The following TSPAN12 variants were observed in gnomAD, a reference collection of about 807,000 sequenced individuals.
TSPAN12 encodes the protein tetraspanin 12, also known as tetraspanin-12.
Under a neutral mutation model 39.2 loss-of-function variants are expected in TSPAN12, and 19 were observed. That is an observed-to-expected ratio of 0.49 (90% CI 0.34 to 0.71). The LOEUF (loss-of-function observed/expected upper bound fraction) is 0.71. Among genes scored for constraint, TSPAN12 ranks in the 30% least tolerant of loss-of-function variants. The pLI, the probability that TSPAN12 is intolerant of heterozygous loss-of-function variation, is 0.01. For missense variants in TSPAN12, 314 were observed against 359.9 expected (o/e 0.87, Z 1.03); for synonymous variants, 119 against 124.8 (o/e 0.95, Z 0.31).
intron 2 of TSPAN12, among the ~76,000 whole-genome samples, chr7:120,856,482 G>C (rs906355360): frequency 9.9e-5 from 15 of 152,218 alleles, no homozygotes; most frequent in African/African-American, 3.4e-4. Flanking sequence ...ACTGCCAGTA[G>C]TATCCAGGGG....
At chr7:120,841,927 A>G (rs1794586476) in intron 2 of TSPAN12, among the ~76,000 whole-genome samples, 1 of 152,178 alleles carries the variant, frequency 6.6e-6, no homozygotes. Context: ...AAGCTTTCCT[A>G]AAAGCTGCAT....
intron 7 of TSPAN12, among the ~76,000 whole-genome samples, chr7:120,797,924 C>T (rs772660265): frequency 1.3e-5 from 2 of 152,202 alleles, no homozygotes; most frequent in African/African-American, 2.4e-5. Flanking sequence ...CCCACCTCAA[C>T]TCATTCTCTA....
At chr7:120,807,388 C>G (rs1793895030) in intron 6 of TSPAN12, among the ~76,000 whole-genome samples, 1 of 151,978 alleles carries the variant, frequency 6.6e-6, no homozygotes, top group African/African-American at 2.4e-5. Flanking sequence ...CTTATTTCTC[C>G]AAAGATTAGC....
At chr7:120,856,437 A>T (rs1252432620) in intron 2 of TSPAN12, among the ~76,000 whole-genome samples, 1 of 152,248 alleles carries the variant, frequency 6.6e-6, no homozygotes, top group African/African-American at 2.4e-5. Flanking sequence ...ACGTGCATTT[A>T]TTTATATCCC....
chr7:120,801,689 G>T (rs192365152), intron 7 of TSPAN12, among the ~76,000 whole-genome samples: 4 of 152,270 alleles, frequency 2.6e-5, no homozygotes, highest in Admixed American at 2.6e-4. Context: ...GGCCTATTGT[G>T]AGCCTGTTTA....
chr7:120,800,743 C>CT (rs1204361347), intron 7 of TSPAN12, among the ~76,000 whole-genome samples: 1 of 84,206 alleles, frequency 1.2e-5, no homozygotes, highest in African/African-American at 3.6e-5. Context: ...TTTTCCTTAT[C>CT]GTTTTTTTTT....
chr7:120,797,073 C>T (rs1176861789), intron 7 of TSPAN12, among the ~76,000 whole-genome samples: 5 of 152,172 alleles, frequency 3.3e-5, no homozygotes, highest in African/African-American at 7.2e-5. Context: ...AGGAGAATGG[C>T]GTGAACCTGA....
intron 7 of TSPAN12, among the ~76,000 whole-genome samples, chr7:120,800,668 C>T (rs1793748801): frequency 6.6e-6 from 1 of 152,004 alleles, no homozygotes; most frequent in South Asian, 2.1e-4. Flanking sequence ...TAATCTGTCT[C>T]CCCCACTGCA....
Position 120,831,318 on chromosome 7 carries a change from G to T in TSPAN12, c.285+7459C>A, listed in dbSNP as rs958609071. On this transcript the variant is annotated intron_variant, in intron 4 of 7. Coordinates refer to ENST00000222747, the MANE Select transcript of TSPAN12 (RefSeq NM_012338.4). ...AGTGTACATCCAAACGAAATGAATA[G>T]GAATGCCACAGAGATATCTGTATTC... 2.0e-5 allele frequency among the ~76,000 whole-genome samples: 3 copies of T among 151,818 alleles called. No homozygotes were observed. In the East Asian group the frequency reaches 5.8e-4, roughly 29 times the overall value.
At position 120,810,702 on chromosome 7, in the gene TSPAN12, T is replaced by C; in HGVS notation, c.361-132A>G. 4.5e-6 allele frequency: 3 copies of C among 672,972 alleles called. No individual in the cohort carries two copies. The Admixed American group carries it at 6.3e-5, about 14-fold the overall frequency. The allele number at this position is 672,972 out of a possible 1,614,324, so 41.7% of individuals were successfully genotyped here. On this transcript the variant is annotated intron_variant, in intron 5 of 7. Transcript: ENST00000222747. ...GTCTTCTAATTGACAAATACTATTT[T>C]AAATTTATATTTGCTCATGGCCTAA...
chr7:120,792,940 G>A (rs1049405031), intron 7 of TSPAN12, among the ~76,000 whole-genome samples: 10 of 152,166 alleles, frequency 6.6e-5, no homozygotes, highest in African/African-American at 2.2e-4. Flanking sequence ...GGGACTCCTC[G>A]CCTCACTAGA....
chr7:120,812,074 AAAAG>A lies in TSPAN12; in HGVS notation c.361-1508_361-1505del, dbSNP rs869142347. Among the ~76,000 whole-genome samples, 102 of 152,354 alleles carry A rather than the reference AAAAG, an allele frequency of 6.7e-4. 1 individual carries two copies. Among genetic ancestry groups the A allele is most frequent in the African/African-American group, 2.2e-3 (93 of 41,578 alleles). On this transcript the variant is annotated intron_variant, in intron 5 of 7. Coordinates refer to ENST00000222747, the MANE Select transcript of TSPAN12 (RefSeq NM_012338.4). ...AAATAAAAAAATTAAAAATAATTTA[AAAAG>A]AAAGAACAGTTTTTAAAGTAAAGCA...
At chr7:120,855,519 TC>T (rs779077589) in intron 2 of TSPAN12, among the ~76,000 whole-genome samples, 18 of 152,220 alleles carry the variant, frequency 1.2e-4, no homozygotes, top group African/African-American at 1.7e-4. Context: ...CACTTAAAAA[TC>T]AAGCTTTTAA....
chr7:120,798,157 A>T lies in TSPAN12; in HGVS notation c.612+8392T>A, dbSNP rs1315340941. On this transcript the variant is annotated intron_variant, in intron 7 of 7. Transcript: ENST00000222747. ...ATGATGTCGAGAAACAGAGTGAAAG[A>T]AAAGAAGAATGCATTTGTATACCTG... Among the ~76,000 whole-genome samples the T allele has an allele frequency of 5.9e-5, 9 of 152,236 alleles. No individual in the cohort carries two copies. In the East Asian group the frequency reaches 1.7e-3, roughly 29 times the overall value.
At chr7:120,841,984 T>C (rs1794587364) in intron 2 of TSPAN12, among the ~76,000 whole-genome samples, 1 of 152,242 alleles carries the variant, frequency 6.6e-6, no homozygotes, top group Non-Finnish European at 1.5e-5. Flanking sequence ...TTGATGGAAA[T>C]CTTTTTGAAA....
chr7:120,840,234 G>C, intron 2 of TSPAN12, 125 bp from the exon 3 acceptor site: 1 of 789,694 alleles, frequency 1.3e-6, no homozygotes, highest in Non-Finnish European at 2.2e-6. Context: ...GCTGCATCTT[G>C]AAATTTACTA....
chr7:120,814,010 GC>G, intron 5 of TSPAN12: 1 of 275,058 alleles, frequency 3.6e-6, no homozygotes, highest in Non-Finnish European at 7.2e-6. Context: ...CTTACTTAGT[GC>G]CGTTGTACAT....
intron 4 of TSPAN12, among the ~76,000 whole-genome samples, chr7:120,831,433 T>C (rs1476969369): frequency 6.6e-6 from 1 of 151,966 alleles, no homozygotes; most frequent in African/African-American, 2.4e-5. Flanking sequence ...GAAAATGTAG[T>C]CCATATATAC....
chr7:120,808,026 T>C (rs1793908943), intron 6 of TSPAN12, among the ~76,000 whole-genome samples: 1 of 152,098 alleles, frequency 6.6e-6, no homozygotes, highest in African/African-American at 2.4e-5. Context: ...TTCATAAAAA[T>C]CATAAACAAG....
Sources: gnomAD v4.1 joint callset for allele counts (sites outside exome capture counted in the v4.1 genomes callset) on GRCh38, gnomAD v4.1.1 for gene constraint, MANE v1.5 for transcripts, NCBI Gene and HGNC (gene_info 2026-07-23, HGNC 2026-07-21) for gene names.